The following PTPRG variants were observed in gnomAD, a reference collection of about 807,000 sequenced individuals.
The protein encoded by PTPRG is protein tyrosine phosphatase receptor type G.
In PTPRG, 102 loss-of-function variants were observed where a neutral mutation model predicts 165.3. The observed-to-expected ratio is 0.62, with a 90% CI of 0.53 to 0.73. The LOEUF is 0.73. Among genes scored for constraint, PTPRG ranks in the 30% least tolerant of loss-of-function variants. The pLI is 0.00. For missense variants in PTPRG, 1,866 were observed against 1,861.4 expected, an observed-to-expected ratio of 1.00 and a Z score of -0.05; for synonymous variants, 675 against 669.5, an observed-to-expected ratio of 1.01 and a Z score of -0.13.
At position 61,802,529 on chromosome 3, in the gene PTPRG, A is replaced by G. The variant is rs149209033; in HGVS notation, c.190+53547A>G. On this transcript the variant is annotated intron_variant, in intron 2 of 29. Transcript: ENST00000474889. ...GCCGGTTTCTTAGGTAAAGTTGGCC[A>G]GTATTCTTCTTGCAGGCCTAGTTTG... Among the ~76,000 whole-genome samples, 369 of 152,372 alleles carry G rather than the reference A, an allele frequency of 2.4e-3. 1 individual carries two copies. Among genetic ancestry groups the G allele is most frequent in the Non-Finnish European group, 4.1e-3 (280 of 68,032 alleles).
chr3:62,202,638 T>G (rs1700120435), intron 11 of PTPRG, among the ~76,000 whole-genome samples: 1 of 152,200 alleles, frequency 6.6e-6, no homozygotes, highest in Admixed American at 6.5e-5. Context: ...TCTGACCCTG[T>G]CATTGCAGAC....
At chr3:61,886,575 A>G (rs890920739) in intron 2 of PTPRG, among the ~76,000 whole-genome samples, 2 of 151,980 alleles carry the variant, frequency 1.3e-5, no homozygotes, top group Admixed American at 1.3e-4. Context: ...TGCCACCTCC[A>G]CTGCTGTTAG....
At chr3:62,012,313 A>C (rs927437028) in intron 4 of PTPRG, among the ~76,000 whole-genome samples, 2 of 152,190 alleles carry the variant, frequency 1.3e-5, no homozygotes, top group Non-Finnish European at 2.9e-5. Flanking sequence ...TTATTAGGTA[A>C]GTAATTCTGC....
In PTPRG at chr3:62,038,478, G is replaced by A. The variant is rs574221793; in HGVS notation, c.519+34981G>A. Among the ~76,000 whole-genome samples, 15 of 152,114 alleles carry A rather than the reference G, an allele frequency of 9.9e-5. No homozygotes were observed. In the East Asian group the frequency reaches 1.4e-3, roughly 14 times the overall value. On this transcript the variant is annotated intron_variant, in intron 4 of 29. Transcript: ENST00000474889. ...AGTGGTGTAATCTTGGCTCACTGCC[G>A]CCTCAACCTCCCAGGCTCAAGCTAT...
chr3:61,655,822 G>A (rs762334604), intron 1 of PTPRG, among the ~76,000 whole-genome samples: 28 of 152,042 alleles, frequency 1.8e-4, no homozygotes, highest in Non-Finnish European at 3.5e-4. Context: ...TGCCTAGACT[G>A]GTCTTGAACT....
intron 2 of PTPRG, among the ~76,000 whole-genome samples, chr3:61,927,472 C>G (rs2039249117): frequency 1.3e-5 from 2 of 152,140 alleles, no homozygotes; most frequent in Non-Finnish European, 2.9e-5. Flanking sequence ...TCCCACTTGG[C>G]TGTTTTGAGA....
intron 8 of PTPRG, among the ~76,000 whole-genome samples, chr3:62,186,108 G>C (rs185928567): frequency 6.6e-6 from 1 of 152,166 alleles, no homozygotes; most frequent in African/African-American, 2.4e-5. Context: ...TATTTGACGG[G>C]TGTCTGGTAC....
chr3:62,141,783 C>T (rs1053402785), intron 6 of PTPRG, among the ~76,000 whole-genome samples: 1 of 151,268 alleles, frequency 6.6e-6, no homozygotes, highest in Non-Finnish European at 1.5e-5. Context: ...GTGGTGCGTG[C>T]CTATAATCCC....
chr3:61,771,087 G>A (rs137975247), intron 2 of PTPRG: 13 of 152,200 alleles, frequency 8.5e-5, no homozygotes, highest in Admixed American at 2.6e-4. Flanking sequence ...GGAGTGGTCC[G>A]CAAGGTGAGG....
At chr3:62,201,955 T>C (rs1700104979) in intron 11 of PTPRG, among the ~76,000 whole-genome samples, 1 of 152,210 alleles carries the variant, frequency 6.6e-6, no homozygotes, top group East Asian at 1.9e-4. Flanking sequence ...AGTTTCCCCA[T>C]TCCTGGTTGG....
rs914480539 is a variant in PTPRG at position 62,240,170 on chromosome 3, T to A, written c.2376-3637T>A. ...TCAAGGAGAGATGCATATAGAATGA[T>A]CTCATTTCGTTTTTTAAAAATAAAA... On this transcript the variant is annotated intron_variant, in intron 14 of 29. Transcript: ENST00000474889. This position sits in a 1 kb window ranked among gnomAD's most constrained non-coding sequence, Gnocchi z 5.1. Among the ~76,000 whole-genome samples the A allele has an allele frequency of 2.6e-5, 4 of 152,076 alleles. No homozygotes were observed. Among genetic ancestry groups the A allele is most frequent in the Admixed American group, 6.6e-5 (1 of 15,262 alleles).
intron 1 of PTPRG, among the ~76,000 whole-genome samples, chr3:61,695,073 C>T (rs367688211): frequency 3.3e-5 from 5 of 151,604 alleles, no homozygotes; most frequent in African/African-American, 9.7e-5. Context: ...TGCAATGGCG[C>T]GATAGTGGCT....
intron 2 of PTPRG, among the ~76,000 whole-genome samples, chr3:61,969,529 G>C (rs1194494954): frequency 6.6e-6 from 1 of 152,184 alleles, no homozygotes; most frequent in Non-Finnish European, 1.5e-5. Flanking sequence ...AGTTGGAGAA[G>C]AGGCAGTCTT....
chr3:62,219,252 A>G lies in PTPRG; in HGVS notation c.2288+269A>G, dbSNP rs1482323396. Among the ~76,000 whole-genome samples the G allele has an allele frequency of 1.3e-5, 2 of 152,228 alleles. No individual in the cohort carries two copies. Among genetic ancestry groups the G allele is most frequent in the African/African-American group, 4.8e-5 (2 of 41,464 alleles). ...ACCAGGGAGATCCAAGTTCAGATCC[A>G]AGCTCTGCTACTTGCTAGATCCAAA... On this transcript the variant is annotated intron_variant, in intron 13 of 29. Coordinates refer to ENST00000474889, the MANE Select transcript of PTPRG (RefSeq NM_002841.4). This position sits in a 1 kb window ranked among gnomAD's most constrained non-coding sequence, Gnocchi z 4.5.
At chr3:62,292,992 G>C (rs996450861) in intron 29 of PTPRG, among the ~76,000 whole-genome samples, 169 bp from the exon 30 acceptor site, 6 of 152,110 alleles carry the variant, frequency 3.9e-5, no homozygotes, top group African/African-American at 1.4e-4. Flanking sequence ...TATAGGTCTT[G>C]ACTATAATAA....
chr3:61,565,476 A>C (rs2059024924), intron 1 of PTPRG, among the ~76,000 whole-genome samples: 1 of 152,034 alleles, frequency 6.6e-6, no homozygotes. Context: ...TTTAAAGCAA[A>C]TCCTACACAT....
Position 62,233,196 on chromosome 3 carries a change from C to A in PTPRG, c.2375+1885C>A, listed in dbSNP as rs1365680928. On this transcript the variant is annotated intron_variant, in intron 14 of 29. Transcript: ENST00000474889. This position sits in a 1 kb window ranked among gnomAD's most constrained non-coding sequence, Gnocchi z 4.7. ...GCAGCGGCGTGAATCCTGAGCAGTA[C>A]CCCCTCTCACAGCTACATGTGCTAT... 2.0e-5 allele frequency among the ~76,000 whole-genome samples: 3 copies of A among 152,140 alleles called. No individual in the cohort carries two copies. The highest frequency in any genetic ancestry group is 6.5e-5 in the Admixed American group (1 of 15,284).
chr3:61,979,859 C>T (rs1382815881), intron 2 of PTPRG, among the ~76,000 whole-genome samples: 1 of 152,080 alleles, frequency 6.6e-6, no homozygotes, highest in East Asian at 1.9e-4. Flanking sequence ...GAAGTGTTTC[C>T]TAGTCCCACA....
At chr3:61,620,287 G>T (rs1157534277) in intron 1 of PTPRG, among the ~76,000 whole-genome samples, 1 of 152,148 alleles carries the variant, frequency 6.6e-6, no homozygotes, top group Non-Finnish European at 1.5e-5. Flanking sequence ...ATTGCAGTTT[G>T]CCTATTACGT....
Sources: gnomAD v4.1 joint callset for allele counts (sites outside exome capture counted in the v4.1 genomes callset) on GRCh38, gnomAD v4.1.1 for gene constraint, Gnocchi (gnomAD v3.1) non-coding constraint, MANE v1.5 for transcripts, NCBI Gene and HGNC (gene_info 2026-07-23, HGNC 2026-07-21) for gene names.